FILIP1L: variants seen among roughly 807,000 people sequenced by gnomAD.
FILIP1L encodes the protein filamin A-interacting protein 1-like.
FILIP1L carries 55 observed loss-of-function variants against 96.6 expected under a neutral mutation model. The ratio of observed to expected loss-of-function variants is 0.57; its 90% CI spans 0.46 to 0.71. The LOEUF (loss-of-function observed/expected upper bound fraction) is 0.71. Ranked by LOEUF, FILIP1L falls within the 30% of genes least tolerant of loss-of-function variation. The pLI, the probability that FILIP1L is intolerant of heterozygous loss-of-function variation, is 0.00. For missense variants in FILIP1L, 1,304 were observed against 1,321.2 expected (o/e 0.99, Z 0.20); for synonymous variants, 467 against 473.9 (o/e 0.99, Z 0.19).
chr3:100,046,625 C>T (rs1381665428), intron 1 of FILIP1L, among the ~76,000 whole-genome samples: 1 of 152,152 alleles, frequency 6.6e-6, no homozygotes, highest in African/African-American at 2.4e-5. Flanking sequence ...GTTGTCATTA[C>T]AGGGAATGAC....
intron 5 of FILIP1L, among the ~76,000 whole-genome samples, chr3:99,845,547 T>A (rs1404319153): frequency 6.6e-6 from 1 of 152,194 alleles, no homozygotes; most frequent in Non-Finnish European, 1.5e-5. Flanking sequence ...CTTTCCTTCC[T>A]GGTTTTTGGG....
At chr3:99,906,721 C>T (rs1457233543) in intron 4 of FILIP1L, among the ~76,000 whole-genome samples, 1 of 152,176 alleles carries the variant, frequency 6.6e-6, no homozygotes, top group African/African-American at 2.4e-5. Flanking sequence ...GGCTGCCCAA[C>T]CAGACATTTC....
chr3:99,881,207 A>C (rs887556725), intron 4 of FILIP1L, among the ~76,000 whole-genome samples: 16 of 152,218 alleles, frequency 1.1e-4, no homozygotes, highest in African/African-American at 3.9e-4. Context: ...TGACTTAGAA[A>C]GAATGAAGAA....
chr3:100,012,287 G>A (rs1293165536), intron 1 of FILIP1L, among the ~76,000 whole-genome samples: 1 of 152,010 alleles, frequency 6.6e-6, no homozygotes. Context: ...CAATTAGAAG[G>A]CCTGCCAAAT....
intron 3 of FILIP1L, chr3:99,925,685 C>T (rs1707270354): frequency 1.2e-5 from 2 of 169,570 alleles, no homozygotes; most frequent in African/African-American, 2.4e-5. Context: ...GGACAGGACT[C>T]CATAGCCTAG....
chr3:100,010,983 C>T (rs1710137243), intron 1 of FILIP1L, among the ~76,000 whole-genome samples: 1 of 151,782 alleles, frequency 6.6e-6, no homozygotes, highest in South Asian at 2.1e-4. Context: ...CCTTTTAAAA[C>T]AGTTATTTAA....
chr3:99,931,008 C>T lies in FILIP1L; in HGVS notation c.13G>A (p.Gly5Ser), dbSNP rs1707465465. 27 of 1,613,504 alleles carry T rather than the reference C, an allele frequency of 1.7e-5. 1 individual carries two copies. The highest frequency in any genetic ancestry group is 2.1e-5 in the Non-Finnish European group (25 of 1,179,860). The change falls in exon 2 of 6, where the codon GGC (glycine) becomes AGC (serine). Residue 5 changes from glycine (G) to serine (S), a missense_variant. Gly to Ser is a moderately conservative substitution (Grantham distance 56, BLOSUM62 0). Transcript: ENST00000477258. ...TGGGCTGAGCCCTCGGTATCACTGCCTCTGGAACGCATTCTTTAAAGCCTG... is the reference window on the plus strand; with the variant it reads ...TGGGCTGAGCCCTCGGTATCACTGCTTCTGGAACGCATTCTTTAAAGCCTG... MRSR[G>S]SDTEGSAQKK...
At position 99,849,937 on chromosome 3, in the gene FILIP1L, T is replaced by A. The variant is rs576553372; in HGVS notation, c.1739A>T (p.Asp580Val). The change falls in exon 5 of 6, where the codon GAT becomes GTT. Residue 580 changes from aspartate (D) to valine (V), a missense_variant. Transcript: ENST00000477258. ...KLKAEEEKGN[D>V]LLSRVNMLKN... is the part of the protein sequence containing the mutation. ...CAACATATTAACTCTTGACAGGAGA[T>A]CATTTCCTTTCTCTTCTTCCGCTTT... 31 of 1,613,076 alleles carry A rather than the reference T, an allele frequency of 1.9e-5. No homozygotes were observed. The East Asian group carries it at 5.8e-4, about 30-fold the overall frequency.
At chr3:100,021,954 TGTGTGTGAGAGAGAGAGAGAGA>T (rs2064829864) in intron 1 of FILIP1L, among the ~76,000 whole-genome samples, 1 of 114,346 alleles carries the variant, frequency 8.7e-6, no homozygotes, top group Admixed American at 9.1e-5. Flanking sequence ...TGTGTGTGTG[TGTGTGTGAGAGAGAGAGAGAGA>T]GAGAGAGAGA....
At chr3:100,095,135 A>G (rs1022757572) in intron 1 of FILIP1L, among the ~76,000 whole-genome samples, 1 of 152,264 alleles carries the variant, frequency 6.6e-6, no homozygotes, top group East Asian at 1.9e-4. Context: ...CTTGATTACT[A>G]TAGTTAAAAA....
intron 1 of FILIP1L, among the ~76,000 whole-genome samples, chr3:100,006,916 TA>T (rs1710005392): frequency 6.6e-6 from 1 of 152,188 alleles, no homozygotes; most frequent in Non-Finnish European, 1.5e-5. Context: ...TTGAGAAGGA[TA>T]AAAAATAACT....
chr3:99,847,720 C>T (rs181707095), intron 5 of FILIP1L, among the ~76,000 whole-genome samples: 10 of 152,258 alleles, frequency 6.6e-5, no homozygotes, highest in African/African-American at 2.4e-4. Context: ...TCTTATAGTT[C>T]ACTTTGAAAT....
intron 1 of FILIP1L, among the ~76,000 whole-genome samples, chr3:99,957,573 G>A (rs1708357947): frequency 6.6e-6 from 1 of 151,714 alleles, no homozygotes; most frequent in South Asian, 2.1e-4. Flanking sequence ...ACCGTAAACA[G>A]TTGGAATTTT....
At chr3:99,902,602 T>C (rs905411326) in intron 4 of FILIP1L, among the ~76,000 whole-genome samples, 2 of 152,196 alleles carry the variant, frequency 1.3e-5, no homozygotes, top group African/African-American at 4.8e-5. Flanking sequence ...GAAGAAACCT[T>C]GGATTATAGT....
intron 1 of FILIP1L, among the ~76,000 whole-genome samples, chr3:99,961,695 T>A (rs1708496116): frequency 6.6e-6 from 1 of 152,178 alleles, no homozygotes; most frequent in Non-Finnish European, 1.5e-5. Flanking sequence ...TATAAGTGAT[T>A]TAGTCTAAAA....
intron 1 of FILIP1L, among the ~76,000 whole-genome samples, chr3:100,051,470 A>T (rs2065371501): frequency 6.6e-6 from 1 of 150,900 alleles, no homozygotes; most frequent in African/African-American, 2.4e-5. Flanking sequence ...CTCGTCATTT[A>T]ACATTAGGTA....
chr3:99,967,976 T>C (rs1161083487), intron 1 of FILIP1L, among the ~76,000 whole-genome samples: 1 of 152,196 alleles, frequency 6.6e-6, no homozygotes, highest in African/African-American at 2.4e-5. Flanking sequence ...CACATCTACT[T>C]GGGCAATCTC....
chr3:100,057,696 C>G (rs1446899825), intron 1 of FILIP1L, among the ~76,000 whole-genome samples: 1 of 152,160 alleles, frequency 6.6e-6, no homozygotes, highest in African/African-American at 2.4e-5. Context: ...AAGCCCCCTG[C>G]TTGCCCGGGT....
chr3:99,878,684 A>G (rs1237608529), intron 4 of FILIP1L, among the ~76,000 whole-genome samples: 1 of 152,214 alleles, frequency 6.6e-6, no homozygotes, highest in Non-Finnish European at 1.5e-5. Flanking sequence ...GGTGGCAGCA[A>G]CGTATCTTGT....
Sources: gnomAD v4.1 joint callset for allele counts (sites outside exome capture counted in the v4.1 genomes callset) on GRCh38, gnomAD v4.1.1 for gene constraint, MANE v1.5 for transcripts, NCBI Gene and HGNC (gene_info 2026-07-23, HGNC 2026-07-21) for gene names.